Variants in CA13 observed in about 807,000 individuals in gnomAD.
CA13 encodes carbonic anhydrase 13, also known as CA-XIII.
Under a neutral mutation model 31.5 loss-of-function variants are expected in CA13, and 21 were observed. The ratio of observed to expected loss-of-function variants is 0.67; its 90% CI spans 0.47 to 0.96. The LOEUF (loss-of-function observed/expected upper bound fraction) is 0.96. Ranked by LOEUF, CA13 falls within the 40% of genes least tolerant of loss-of-function variation. CA13 has a pLI of 0.00. For synonymous variants in CA13, 117 were observed against 111.4 expected, an observed-to-expected ratio of 1.05 and a Z score of -0.32; for missense variants, 315 against 318.9, an observed-to-expected ratio of 0.99 and a Z score of 0.09.
At chr8:85,258,114 C>T (rs1807326153) in intron 2 of CA13, among the ~76,000 whole-genome samples, 1 of 151,630 alleles carries the variant, frequency 6.6e-6, no homozygotes, top group Non-Finnish European at 1.5e-5. Flanking sequence ...GATCCTCCCT[C>T]CTTGGCTTCC....
At chr8:85,260,400 G>A (rs183287377) in intron 3 of CA13, among the ~76,000 whole-genome samples, 1 of 152,324 alleles carries the variant, frequency 6.6e-6, no homozygotes, top group East Asian at 1.9e-4. Flanking sequence ...ACAGAGCTAA[G>A]TTATCAGGCA....
rs1807721188 is a variant in CA13 at position 85,282,407 on chromosome 8, A to G, written c.*1058A>G. The G allele has an allele frequency of 6.6e-6, 1 of 152,668 alleles. No individual in the cohort carries two copies. Among genetic ancestry groups the G allele is most frequent in the African/African-American group, 2.4e-5 (1 of 41,464 alleles). The allele number at this position is 152,668 out of a possible 1,614,324, so 9.5% of individuals were successfully genotyped here. A position where few individuals can be genotyped will look rare whatever the true frequency, so the allele number is the denominator to read the frequency against. ...AAGATGCAGTGCCTGCCAGTTTATG[A>G]CATTAACTTGGTTTGAAACTAACAT... On this transcript the variant is annotated 3_prime_UTR_variant, in exon 7 of 7. Coordinates refer to ENST00000321764, the MANE Select transcript of CA13 (RefSeq NM_198584.3).
At chr8:85,259,294 T>C (rs1807345337) in intron 2 of CA13, 127 bp from the exon 3 acceptor site, 7 of 706,786 alleles carry the variant, frequency 9.9e-6, no homozygotes, top group Non-Finnish European at 2.5e-6. Flanking sequence ...GCAAAGCAAA[T>C]GACACATTTG....
At chr8:85,254,966 C>T (rs1281257104) in intron 2 of CA13, among the ~76,000 whole-genome samples, 3 of 152,048 alleles carry the variant, frequency 2.0e-5, no homozygotes, top group Non-Finnish European at 4.4e-5. Context: ...AAATCTTCCT[C>T]ATAGTTCTTG....
chr8:85,254,774 T>TTTG (rs1488989404), intron 2 of CA13, among the ~76,000 whole-genome samples: 2 of 148,206 alleles, frequency 1.3e-5, no homozygotes, highest in East Asian at 3.9e-4. Context: ...TTAAACAAGT[T>TTTG]TTTTTTTTTT....
Position 85,272,109 on chromosome 8 carries a change from T to C in CA13, c.669+3482T>C, listed in dbSNP as rs564699285. On this transcript the variant is annotated intron_variant, in intron 6 of 6. Coordinates refer to ENST00000321764, the MANE Select transcript of CA13 (RefSeq NM_198584.3). Reference sequence around the variant, plus strand: ...AGATAGAGATCTCAGCCAAAAATTTTCTGGTGCTCTTTTGCAGTCCTTCAC... The same window carrying C: ...AGATAGAGATCTCAGCCAAAAATTTCCTGGTGCTCTTTTGCAGTCCTTCAC... Among the ~76,000 whole-genome samples the C allele has an allele frequency of 3.3e-5, 5 of 152,164 alleles. No individual in the cohort carries two copies. The South Asian group carries it at 1.0e-3, about 31-fold the overall frequency.
intron 1 of CA13, among the ~76,000 whole-genome samples, chr8:85,248,274 A>G (rs145552633): frequency 3.3e-5 from 5 of 152,230 alleles, no homozygotes; most frequent in African/African-American, 1.2e-4. Context: ...ACTGACCAAC[A>G]TGGAGAAATC....
At position 85,281,705 on chromosome 8, in the gene CA13, A is replaced by G. The variant is rs149017027; in HGVS notation, c.*356A>G. On this transcript the variant is annotated 3_prime_UTR_variant, in exon 7 of 7. Coordinates refer to ENST00000321764, the MANE Select transcript of CA13 (RefSeq NM_198584.3). ...TTTTTAAATTTTTTTTTTTTAAGAAATAGGGTCTTGCTATGTTGCCCAGGC... is the reference window on the plus strand; with the variant it reads ...TTTTTAAATTTTTTTTTTTTAAGAAGTAGGGTCTTGCTATGTTGCCCAGGC... The G allele has an allele frequency of 9.3e-3, 1,568 of 169,440 alleles. 8 individuals are homozygous for G. The highest frequency in any genetic ancestry group is 0.014 in the Non-Finnish European group (1,106 of 81,262). 10.5% of individuals were successfully genotyped at this position (169,440 alleles called of 1,614,324 possible).
At position 85,267,292 on chromosome 8, in the gene CA13, A is replaced by G. The variant is rs57166860; in HGVS notation, c.450+589A>G. On this transcript the variant is annotated intron_variant, in intron 4 of 6. Transcript: ENST00000321764. ...CAGAGAATGCTTCACGGATGGCAAC[A>G]ATTCCTTGCCTTTGGACACCAAGTA... The G allele has an allele frequency of 7.8e-3, 7,687 of 985,814 alleles. 240 individuals carry two copies. In the African/African-American group the frequency reaches 0.087, roughly 11 times the overall value. 61.1% of individuals were successfully genotyped at this position (985,814 alleles called of 1,614,324 possible). A position where few individuals can be genotyped will look rare whatever the true frequency, so the allele number is the denominator to read the frequency against.
intron 1 of CA13, chr8:85,246,505 TCTC>T (rs1400630004): frequency 2.2e-6 from 1 of 455,982 alleles, no homozygotes; most frequent in Non-Finnish European, 4.4e-6. Context: ...GTGGGTTACT[TCTC>T]CACTCTTCTT....
At chr8:85,267,757 A>C in intron 4 of CA13, 145 bp from the exon 5 acceptor site, 1 of 509,288 alleles carries the variant, frequency 2.0e-6, no homozygotes, top group East Asian at 3.1e-5. Flanking sequence ...CAGGTAAAAG[A>C]GAAGCTTTGT....
intron 6 of CA13, among the ~76,000 whole-genome samples, chr8:85,271,995 G>C (rs1265145728): frequency 6.6e-6 from 1 of 152,076 alleles, no homozygotes; most frequent in African/African-American, 2.4e-5. Flanking sequence ...CTTGAACCCG[G>C]GAGGCAAGGC....
intron 3 of CA13, among the ~76,000 whole-genome samples, chr8:85,260,783 A>G (rs1443529481): frequency 6.6e-6 from 1 of 152,212 alleles, no homozygotes; most frequent in Non-Finnish European, 1.5e-5. Context: ...TGCTTTCTAA[A>G]GTTTTATGTT....
chr8:85,270,665 T>C (rs1260583298), intron 6 of CA13, among the ~76,000 whole-genome samples: 3 of 152,234 alleles, frequency 2.0e-5, no homozygotes, highest in African/African-American at 7.2e-5. Flanking sequence ...AAGGGAATCC[T>C]GTTTTCCCTC....
chr8:85,278,253 A>G, intron 6 of CA13, among the ~76,000 whole-genome samples: 1 of 143,550 alleles, frequency 7.0e-6, no homozygotes. Flanking sequence ...GTGACAGAGC[A>G]AGACTCTATC....
At chr8:85,260,642 G>T (rs756159813) in intron 3 of CA13, among the ~76,000 whole-genome samples, 4 of 152,150 alleles carry the variant, frequency 2.6e-5, no homozygotes, top group Non-Finnish European at 5.9e-5. Context: ...CTGTCCTCAG[G>T]GTAGAGAAAT....
intron 1 of CA13, among the ~76,000 whole-genome samples, chr8:85,246,077 G>A (rs1311515869): frequency 6.6e-6 from 1 of 152,206 alleles, no homozygotes; most frequent in Admixed American, 6.5e-5. Flanking sequence ...GGATGTGAGC[G>A]TTGGTGTGTG....
At chr8:85,278,336 A>G (rs1453067188) in intron 6 of CA13, among the ~76,000 whole-genome samples, 1 of 150,562 alleles carries the variant, frequency 6.6e-6, no homozygotes, top group Non-Finnish European at 1.5e-5. Context: ...AGTTTGGGGT[A>G]GGGTCCAGGG....
chr8:85,257,588 G>A (rs1305248746), intron 2 of CA13, among the ~76,000 whole-genome samples: 3 of 151,594 alleles, frequency 2.0e-5, no homozygotes, highest in Non-Finnish European at 4.4e-5. Context: ...GCTGGACGTA[G>A]CTGTGTGCGC....
Sources: allele counts gnomAD v4.1 joint callset (sites outside exome capture counted in the v4.1 genomes callset), GRCh38; gene constraint gnomAD v4.1.1; transcripts MANE v1.5; gene names NCBI Gene and HGNC (gene_info 2026-07-23, HGNC 2026-07-21).